The following VWC2L variants were observed in gnomAD, a reference collection of about 807,000 sequenced individuals.
VWC2L encodes von Willebrand factor C domain-containing protein 2-like.
VWC2L carries 10 observed loss-of-function variants against 21.6 expected under a neutral mutation model. The observed-to-expected ratio is 0.46, with a 90% CI of 0.29 to 0.78. The LOEUF is 0.78. VWC2L is among the 30% of genes least tolerant of loss of function. The pLI, the probability that VWC2L is intolerant of heterozygous loss-of-function variation, is 0.10. For missense variants in VWC2L, 209 were observed against 277.1 expected (o/e 0.75, Z 1.74); for synonymous variants, 96 against 94.3 (o/e 1.02, Z -0.10).
At chr2:214,541,751 C>T (rs72945310) in intron 3 of VWC2L, among the ~76,000 whole-genome samples, 7,037 of 152,228 alleles carry the variant, frequency 0.046, 245 homozygotes, top group Non-Finnish European at 0.069. Context: ...TGCCTGACAA[C>T]TAGCACATAC....
chr2:214,497,464 C>A (rs371201676), intron 3 of VWC2L, among the ~76,000 whole-genome samples: 32 of 152,288 alleles, frequency 2.1e-4, no homozygotes, highest in African/African-American at 6.3e-4. Context: ...GAGCCATGAT[C>A]CTTCTTCATA....
chr2:214,477,174 A>C (rs1688537342), intron 3 of VWC2L, among the ~76,000 whole-genome samples: 1 of 152,242 alleles, frequency 6.6e-6, no homozygotes, highest in Non-Finnish European at 1.5e-5. Context: ...GACAGAGCTC[A>C]ATTAGTCAGA....
intron 2 of VWC2L, among the ~76,000 whole-genome samples, chr2:214,426,231 T>C (rs1559287317): frequency 7.1e-6 from 1 of 141,312 alleles, no homozygotes; most frequent in South Asian, 2.3e-4. Context: ...GAAGATATGC[T>C]AAGAGTGGGG....
chr2:214,524,552 T>A (rs1385567451), intron 3 of VWC2L, among the ~76,000 whole-genome samples: 3 of 152,226 alleles, frequency 2.0e-5, no homozygotes, highest in Non-Finnish European at 4.4e-5. Context: ...GATTCTAACC[T>A]ATTCTGCATT....
intron 3 of VWC2L, among the ~76,000 whole-genome samples, chr2:214,437,228 T>C (rs938477152): frequency 6.6e-6 from 1 of 152,156 alleles, no homozygotes; most frequent in Non-Finnish European, 1.5e-5. Flanking sequence ...AAAATTAGCA[T>C]TGCACTTAAA....
chr2:214,448,178 C>G (rs968479669), intron 3 of VWC2L, among the ~76,000 whole-genome samples: 5 of 152,098 alleles, frequency 3.3e-5, no homozygotes, highest in African/African-American at 1.2e-4. Context: ...AGGGGTAAAC[C>G]CCATGAAAGC....
chr2:214,476,856 A>G (rs1309035821), intron 3 of VWC2L, among the ~76,000 whole-genome samples: 2 of 152,168 alleles, frequency 1.3e-5, no homozygotes. Flanking sequence ...GAAACTCAGG[A>G]AGAAAAGCTG....
Position 214,575,915 on chromosome 2 carries a change from C to A in VWC2L, c.*95C>A. On this transcript the variant is annotated 3_prime_UTR_variant, in exon 4 of 4. Coordinates refer to ENST00000312504, the MANE Select transcript of VWC2L (RefSeq NM_001080500.4). Reference sequence around the variant, plus strand: ...ACAAAACAAAACAAACAAACTCCTGCCAGCTACAACAGGGTCACCAGCAAA... The same window carrying A: ...ACAAAACAAAACAAACAAACTCCTGACAGCTACAACAGGGTCACCAGCAAA... The A allele has an allele frequency of 1.4e-6, 2 of 1,400,994 alleles. No individual in the cohort carries two copies. Among genetic ancestry groups the A allele is most frequent in the Non-Finnish European group, 1.9e-6 (2 of 1,039,134 alleles). The allele number at this position is 1,400,994 out of a possible 1,614,324, so 86.8% of individuals were successfully genotyped here. A position where few individuals can be genotyped will look rare whatever the true frequency, so the allele number is the denominator to read the frequency against.
intron 3 of VWC2L, among the ~76,000 whole-genome samples, chr2:214,490,062 A>G (rs1050028726): frequency 6.6e-5 from 10 of 152,186 alleles, no homozygotes; most frequent in Admixed American, 2.0e-4. Context: ...TCTGCCACAA[A>G]TAGCTGAGTG....
At chr2:214,499,982 T>C (rs568847682) in intron 3 of VWC2L, among the ~76,000 whole-genome samples, 2 of 152,302 alleles carry the variant, frequency 1.3e-5, no homozygotes, top group South Asian at 4.1e-4. Flanking sequence ...GGAAAGGCCT[T>C]TCTGAGCTGT....
At chr2:214,488,144 T>C (rs575654847) in intron 3 of VWC2L, among the ~76,000 whole-genome samples, 23 of 152,336 alleles carry the variant, frequency 1.5e-4, no homozygotes, top group Non-Finnish European at 2.9e-4. Context: ...CATAATGGAT[T>C]CTGCTTACCC....
At chr2:214,502,836 T>C (rs941838101) in intron 3 of VWC2L, among the ~76,000 whole-genome samples, 1 of 152,194 alleles carries the variant, frequency 6.6e-6, no homozygotes, top group Admixed American at 6.5e-5. Flanking sequence ...CCCTTTCTCA[T>C]CCCTTCCATT....
chr2:214,575,597 G>T (rs768264412), intron 3 of VWC2L, 75 bp from the exon 4 acceptor site: 157 of 1,545,052 alleles, frequency 1.0e-4, no homozygotes, highest in Non-Finnish European at 1.3e-4. Context: ...TGGCTTTGGG[G>T]CTTGGGTTTG....
At chr2:214,520,058 T>TACACAC (rs60850327) in intron 3 of VWC2L, among the ~76,000 whole-genome samples, 49,226 of 142,942 alleles carry the variant, frequency 0.34, 8,586 homozygotes, top group Non-Finnish European at 0.41. Context: ...GCTCCTGTTA[T>TACACAC]ACACACACAC....
chr2:214,453,282 T>A (rs13406497), intron 3 of VWC2L, among the ~76,000 whole-genome samples: 25,096 of 152,116 alleles, frequency 0.16, 2,196 homozygotes, highest in East Asian at 0.29. Context: ...GGTTTTTTTT[T>A]AAATATGAAT....
rs1443186897 is a variant in VWC2L at position 214,434,761 on chromosome 2, T to C, written c.391-1868T>C. On this transcript the variant is annotated intron_variant, in intron 2 of 3. Transcript: ENST00000312504. ...TTCCTCATCAGTGTTGGGAATCTAA[T>C]AGTTCAACAAATTTTTCTTAAAGAC... 2.0e-5 allele frequency among the ~76,000 whole-genome samples: 3 copies of C among 152,244 alleles called. No individual in the cohort carries two copies. In the East Asian group the frequency reaches 5.8e-4, roughly 29 times the overall value.
rs1703314517 is a variant in VWC2L, at chr2:214,471,881, T to C, written c.520+35123T>C. On this transcript the variant is annotated intron_variant, in intron 3 of 3. Coordinates refer to ENST00000312504, the MANE Select transcript of VWC2L (RefSeq NM_001080500.4). ...CCAATGACAGGAAACCCAGCTCCAA[T>C]GGGCTTAAACCAAACAAGGTTCACG... 2.0e-5 allele frequency among the ~76,000 whole-genome samples: 3 copies of C among 152,190 alleles called. No homozygotes were observed. The South Asian group carries it at 6.2e-4, about 31-fold the overall frequency.
At chr2:214,532,386 GA>G (rs35509246) in intron 3 of VWC2L, among the ~76,000 whole-genome samples, 4 of 151,558 alleles carry the variant, frequency 2.6e-5, no homozygotes, top group Non-Finnish European at 4.4e-5. Context: ...ATGTACTATG[GA>G]AAAAAAAGTC....
chr2:214,446,625 G>C (rs1404605118), intron 3 of VWC2L, among the ~76,000 whole-genome samples: 1 of 152,110 alleles, frequency 6.6e-6, no homozygotes, highest in Non-Finnish European at 1.5e-5. Flanking sequence ...GCAAAATTTT[G>C]AATGTTTTCT....
Sources: allele counts gnomAD v4.1 joint callset (sites outside exome capture counted in the v4.1 genomes callset), GRCh38; gene constraint gnomAD v4.1.1; transcripts MANE v1.5; gene names NCBI Gene and HGNC (gene_info 2026-07-23, HGNC 2026-07-21).